Variants in BRF1 observed in about 807,000 individuals in gnomAD.
The protein encoded by BRF1 is transcription factor IIIB 90 kDa subunit.
A neutral mutation model predicts 81.7 loss-of-function variants in BRF1; 59 were observed. That is an observed-to-expected ratio of 0.72 (90% CI 0.59 to 0.90). BRF1 has a LOEUF of 0.90. Among genes scored for constraint, BRF1 ranks in the 40% least tolerant of loss-of-function variants. The pLI, the probability that BRF1 is intolerant of heterozygous loss-of-function variation, is 0.00. For missense variants in BRF1, 1,050 were observed against 936.3 expected (o/e 1.12, Z -1.58); for synonymous variants, 491 against 395.6 (o/e 1.24, Z -2.86).
intron 5 of BRF1, chr14:105,248,928 A>C: frequency 6.1e-6 from 6 of 982,820 alleles, no homozygotes; most frequent in Non-Finnish European, 7.2e-6. Context: ...AGCCAACAGC[A>C]ACGCCGGCGC....
intron 1 of BRF1, chr14:105,314,950 G>A: frequency 8.5e-7 from 1 of 1,176,990 alleles, no homozygotes; most frequent in South Asian, 1.8e-5. Flanking sequence ...GGCCTCCCCG[G>A]CGCGCCCGGC....
At chr14:105,248,998 C>T (rs2055372638) in intron 5 of BRF1, 13 of 1,016,712 alleles carry the variant, frequency 1.3e-5, no homozygotes, top group Non-Finnish European at 1.4e-5. Flanking sequence ...CCAGCGCCGC[C>T]GCCGCCCGCG....
At chr14:105,308,685 G>A (rs1253555455) in intron 1 of BRF1, among the ~76,000 whole-genome samples, 1 of 151,874 alleles carries the variant, frequency 6.6e-6, no homozygotes, top group East Asian at 2.0e-4. Context: ...GTTTCACCAT[G>A]TTGGCCAGGC....
At chr14:105,218,099 G>A (rs1891629079) in intron 14 of BRF1, among the ~76,000 whole-genome samples, 1 of 152,138 alleles carries the variant, frequency 6.6e-6, no homozygotes, top group Non-Finnish European at 1.5e-5. Context: ...CTGCCCCTGG[G>A]TCCCACACAG....
At chr14:105,212,034 A>G (rs1890199990) in intron 16 of BRF1, 79 bp downstream of exon 16, 4 of 1,564,922 alleles carry the variant, frequency 2.6e-6, no homozygotes, top group Non-Finnish European at 3.5e-6. Context: ...CCCTGTGGTC[A>G]CAGACCAAGC....
chr14:105,229,466 G>C (rs2054362458), intron 6 of BRF1, among the ~76,000 whole-genome samples: 1 of 152,224 alleles, frequency 6.6e-6, no homozygotes, highest in Admixed American at 6.5e-5. Context: ...CGAGGGTAAG[G>C]GCCCGGATGA....
intron 3 of BRF1, among the ~76,000 whole-genome samples, chr14:105,264,975 A>C (rs2056336417): frequency 6.6e-6 from 1 of 152,026 alleles, no homozygotes; most frequent in Non-Finnish European, 1.5e-5. Flanking sequence ...CAGAAACTTT[A>C]TTTGAAAAGA....
chr14:105,265,055 T>G (rs776106400), intron 3 of BRF1, among the ~76,000 whole-genome samples: 9 of 100,090 alleles, frequency 9.0e-5, no homozygotes, highest in Non-Finnish European at 2.1e-4. Flanking sequence ...CTTTTTTTTG[T>G]TTTTTTTTTG....
At chr14:105,250,846 A>C in intron 5 of BRF1, 1 of 697,948 alleles carries the variant, frequency 1.4e-6, no homozygotes, top group Non-Finnish European at 2.4e-6. Context: ...CAGGGATTGG[A>C]GTCTTAGGCA....
chr14:105,271,444 A>C lies in BRF1; in HGVS notation c.439+1277T>G, dbSNP rs751846972. ...ACGGCAGGGGCGCAGGCTGGGAGGC[A>C]GACATGTGGCCGGGCACGCCACGCC... On this transcript the variant is annotated intron_variant, in intron 3 of 17. Coordinates refer to ENST00000547530, the MANE Select transcript of BRF1 (RefSeq NM_001519.4). The surrounding 1 kb of genome is among the most constrained non-coding windows in gnomAD (Gnocchi z 5.5). 2.6e-5 allele frequency among the ~76,000 whole-genome samples: 4 copies of C among 152,250 alleles called. No individual in the cohort carries two copies. The highest frequency in any genetic ancestry group is 5.9e-5 in the Non-Finnish European group (4 of 68,034).
At chr14:105,241,139 G>C (rs1019373824) in intron 6 of BRF1, 126 bp downstream of exon 6, 9 of 1,456,024 alleles carry the variant, frequency 6.2e-6, no homozygotes, top group African/African-American at 4.2e-5. Context: ...AGTCAGCCCC[G>C]GGAGGCTGGA....
chr14:105,304,559 C>T (rs587619235), upstream of BRF1, among the ~76,000 whole-genome samples: 16 of 152,272 alleles, frequency 1.1e-4, no homozygotes, highest in African/African-American at 1.4e-4. Flanking sequence ...GCCCAAGGTG[C>T]GTGCTGCCAG....
chr14:105,255,428 T>C (rs1479113350), intron 4 of BRF1, among the ~76,000 whole-genome samples: 2 of 152,358 alleles, frequency 1.3e-5, no homozygotes, highest in East Asian at 3.9e-4. Flanking sequence ...GAAGCCTAAC[T>C]GTGGGCTGCT....
chr14:105,219,328 G>A, intron 12 of BRF1, 96 bp from the exon 13 acceptor site: 19 of 1,570,768 alleles, frequency 1.2e-5, no homozygotes, highest in Non-Finnish European at 1.6e-5. Context: ...TCCACCGTTA[G>A]AGGAAGGGGA....
At chr14:105,272,569 G>A (rs1356821787) in intron 3 of BRF1, 152 bp downstream of exon 3, 12 of 1,048,780 alleles carry the variant, frequency 1.1e-5, no homozygotes, top group Non-Finnish European at 1.6e-5. Context: ...AATTCAGAAA[G>A]CCCTGGATCA....
intron 14 of BRF1, among the ~76,000 whole-genome samples, chr14:105,218,773 C>A (rs1436081349): frequency 1.3e-5 from 2 of 151,814 alleles, no homozygotes; most frequent in East Asian, 3.8e-4. Context: ...CAAAGCTGAG[C>A]ACACGCCCTC....
chr14:105,240,876 G>A (rs941388), intron 6 of BRF1, among the ~76,000 whole-genome samples: 4,581 of 74,798 alleles, frequency 0.061, 96 homozygotes, highest in African/African-American at 0.07. Context: ...GGACAGCCTG[G>A]CAGCCCTGTG....
rs764203821 is a variant in BRF1, at chr14:105,310,533, C to CAA, written c.-162+4787_-162+4788dup. Among the ~76,000 whole-genome samples the CAA allele has an allele frequency of 1.0e-2, 778 of 77,906 alleles. 11 individuals carry two copies. The highest frequency in any genetic ancestry group is 0.019 in the Middle Eastern group (2 of 104). The allele number at this position is 77,906 out of a possible 152,430, so 51.1% of individuals were successfully genotyped here. Reference sequence around the variant, plus strand: ...CGACAGACAGAGCGAGACTCTGTCTCAAAAAAAAAAAAAAAAAAAAAAGAA... The same window carrying CAA: ...CGACAGACAGAGCGAGACTCTGTCTCAAAAAAAAAAAAAAAAAAAAAAAAGAA... On this transcript the variant is annotated intron_variant, in intron 1 of 17. Coordinates refer to the BRF1 transcript ENST00000327359.
At chr14:105,211,040 G>A (rs897380721) in intron 17 of BRF1, 82 bp downstream of exon 17, 3 of 1,539,532 alleles carry the variant, frequency 1.9e-6, no homozygotes, top group African/African-American at 2.8e-5. Flanking sequence ...AAGCTAACAG[G>A]CCCAAGTTCA....
Sources: gnomAD v4.1 joint callset for allele counts (sites outside exome capture counted in the v4.1 genomes callset) on GRCh38, gnomAD v4.1.1 for gene constraint, Gnocchi (gnomAD v3.1) non-coding constraint, MANE v1.5 for transcripts, NCBI Gene and HGNC (gene_info 2026-07-23, HGNC 2026-07-21) for gene names.